Variants in SLC28A1 observed in about 807,000 individuals in gnomAD.
SLC28A1 encodes solute carrier family 28 member 1.
In SLC28A1, 64 loss-of-function variants were observed where a neutral mutation model predicts 74.8. The ratio of observed to expected loss-of-function variants is 0.86; its 90% CI spans 0.70 to 1.05. SLC28A1 has a LOEUF of 1.05. Among genes scored for constraint, SLC28A1 ranks in the 50% least tolerant of loss-of-function variants. The pLI is 0.00. For missense variants in SLC28A1, 828 were observed against 822.8 expected (o/e 1.01, Z -0.08); for synonymous variants, 359 against 335.0 (o/e 1.07, Z -0.78).
intron 15 of SLC28A1, among the ~76,000 whole-genome samples, chr15:84,942,497 C>T (rs954867469): frequency 6.6e-6 from 1 of 152,184 alleles, no homozygotes; most frequent in Non-Finnish European, 1.5e-5. Context: ...AAGCAAATAA[C>T]TATTGTGTTT....
downstream of SLC28A1, among the ~76,000 whole-genome samples, chr15:84,946,253 C>CCCATAAGAA (rs2079227514): frequency 1.3e-5 from 2 of 148,920 alleles, no homozygotes; most frequent in African/African-American, 2.5e-5. Context: ...CTGTATCTGG[C>CCCATAAGAA]CCATAAGAAC....
intron 15 of SLC28A1, among the ~76,000 whole-genome samples, chr15:84,935,964 T>G (rs1263132287): frequency 7.1e-6 from 1 of 141,466 alleles, no homozygotes; most frequent in East Asian, 2.0e-4. Flanking sequence ...TTTTTTTTTT[T>G]TTTTTTTTGA....
intron 6 of SLC28A1, among the ~76,000 whole-genome samples, chr15:84,897,060 T>C (rs77705189): frequency 0.11 from 16,478 of 151,842 alleles, 1,024 homozygotes; most frequent in Non-Finnish European, 0.14. Flanking sequence ...CACAAATCTG[T>C]AACTATACTA....
intron 3 of SLC28A1, 52 bp from the exon 4 acceptor site, chr15:84,888,720 C>T: frequency 2.2e-6 from 3 of 1,333,596 alleles, no homozygotes; most frequent in Non-Finnish European, 3.2e-6. Context: ...GCTGTAAGTT[C>T]CTGGGGGTGG....
intron 12 of SLC28A1, among the ~76,000 whole-genome samples, chr15:84,928,248 G>C (rs1482692669): frequency 6.6e-6 from 1 of 152,136 alleles, no homozygotes; most frequent in Non-Finnish European, 1.5e-5. Flanking sequence ...ACAGTCTCTG[G>C]TTTGAAAGCC....
chr15:84,908,096 G>A (rs1396414606), intron 8 of SLC28A1, among the ~76,000 whole-genome samples: 2 of 151,786 alleles, frequency 1.3e-5, no homozygotes, highest in Non-Finnish European at 2.9e-5. Flanking sequence ...AGCGGCACAA[G>A]AGGCACTGCC....
At chr15:84,887,717 G>A (rs752716812) in intron 2 of SLC28A1, 28 bp from the exon 3 acceptor site, 15 of 1,604,254 alleles carry the variant, frequency 9.4e-6, no homozygotes, top group East Asian at 2.2e-5. Flanking sequence ...CCCTTTCAGC[G>A]TTGGGCGCTC....
intron 6 of SLC28A1, chr15:84,895,754 T>TG (rs11378768): frequency 0.6 from 726,700 of 1,216,490 alleles, 220,289 homozygotes; most frequent in East Asian, 0.82. Context: ...GAAAATTCGC[T>TG]GGGGGAAAAA....
chr15:84,939,612 G>T (rs1302305648), intron 15 of SLC28A1: 1 of 151,698 alleles, frequency 6.6e-6, no homozygotes, highest in Non-Finnish European at 1.5e-5. Flanking sequence ...TTTATTTTTT[G>T]GTTTTTAAAT....
At chr15:84,890,247 G>A (rs1400739991) in intron 4 of SLC28A1, among the ~76,000 whole-genome samples, 196 bp from the exon 5 acceptor site, 1 of 152,244 alleles carries the variant, frequency 6.6e-6, no homozygotes, top group Non-Finnish European at 1.5e-5. Context: ...TGCTGCCACA[G>A]AGGCAGGAAG....
At chr15:84,914,679 G>A (rs1968831602) in intron 9 of SLC28A1, among the ~76,000 whole-genome samples, 1 of 152,194 alleles carries the variant, frequency 6.6e-6, no homozygotes, top group South Asian at 2.1e-4. Context: ...GGCACACAGT[G>A]GAATTTAATG....
intron 6 of SLC28A1, among the ~76,000 whole-genome samples, chr15:84,902,105 C>CA (rs113129359): frequency 0.052 from 7,926 of 151,982 alleles, 446 homozygotes; most frequent in African/African-American, 0.13. Flanking sequence ...AGAAGTCAAA[C>CA]AAAAAAGGAC....
the SLC28A1 span, among the ~76,000 whole-genome samples, chr15:84,971,788 G>A: frequency 2.0e-5 from 3 of 152,084 alleles, no homozygotes; most frequent in Admixed American, 1.3e-4. Context: ...TAGCTGGGAC[G>A]CCAGGCACGT....
the SLC28A1 span, among the ~76,000 whole-genome samples, chr15:84,966,397 G>A: frequency 1.3e-5 from 2 of 152,056 alleles, no homozygotes; most frequent in African/African-American, 4.8e-5. Context: ...TCAAAGTCTT[G>A]CTCTGTCACT....
chr15:84,963,627 GC>G, the SLC28A1 span, among the ~76,000 whole-genome samples: 3,577 of 152,132 alleles, frequency 0.024, 149 homozygotes, highest in African/African-American at 0.082. Flanking sequence ...GGGTCCAGCT[GC>G]CCCCCCGAGC....
At chr15:84,937,833 G>A (rs898451803) in intron 15 of SLC28A1, among the ~76,000 whole-genome samples, 4 of 151,446 alleles carry the variant, frequency 2.6e-5, no homozygotes, top group African/African-American at 9.7e-5. Flanking sequence ...GGAGGAGGAG[G>A]TTACAGTGAG....
Position 84,895,670 on chromosome 15 carries a change from T to G in SLC28A1, c.461+547T>G, listed in dbSNP as rs925847518. ...GAGGTTGTGGAGGGAAAATTCAGACTTCCCGCCCAGCCCACCATTTCACCA... is the reference window on the plus strand; with the variant it reads ...GAGGTTGTGGAGGGAAAATTCAGACGTCCCGCCCAGCCCACCATTTCACCA... On this transcript the variant is annotated intron_variant, in intron 6 of 18. Transcript: ENST00000394573. 14 of 1,411,322 alleles carry G rather than the reference T, an allele frequency of 9.9e-6. No homozygotes were observed. The African/African-American group carries it at 1.9e-4, about 19-fold the overall frequency. The allele number at this position is 1,411,322 out of a possible 1,614,324, so 87.4% of individuals were successfully genotyped here.
chr15:84,944,236 T>C (rs577027194), intron 16 of SLC28A1, among the ~76,000 whole-genome samples: 1 of 152,306 alleles, frequency 6.6e-6, no homozygotes, highest in East Asian at 1.9e-4. Flanking sequence ...GGAAACTGAG[T>C]CTTCATGAAG....
At chr15:84,891,446 A>C (rs1965356214) in intron 5 of SLC28A1, among the ~76,000 whole-genome samples, 1 of 152,130 alleles carries the variant, frequency 6.6e-6, no homozygotes, top group African/African-American at 2.4e-5. Flanking sequence ...GAAGGGGGAT[A>C]ATTAGGATAG....
Sources: allele counts gnomAD v4.1 joint callset (sites outside exome capture counted in the v4.1 genomes callset), GRCh38; gene constraint gnomAD v4.1.1; transcripts MANE v1.5; gene names NCBI Gene and HGNC (gene_info 2026-07-23, HGNC 2026-07-21).